NXN: variants seen among roughly 807,000 people sequenced by gnomAD.
NXN encodes the protein nucleoredoxin 1.
In NXN, 16 loss-of-function variants were observed where a neutral mutation model predicts 48.6. That is an observed-to-expected ratio of 0.33 (90% CI 0.22 to 0.50). The LOEUF is 0.50. NXN is among the 20% of genes least tolerant of loss of function. NXN has a pLI of 0.98. For synonymous variants in NXN, 281 were observed against 269.6 expected (o/e 1.04, Z -0.41); for missense variants, 492 against 605.5 (o/e 0.81, Z 1.97).
intron 1 of NXN, among the ~76,000 whole-genome samples, chr17:973,241 A>G (rs750279096): frequency 2.3e-4 from 35 of 152,204 alleles, no homozygotes; most frequent in Non-Finnish European, 4.4e-4. Flanking sequence ...ATCCCGCAGC[A>G]TTCCAGAGCT....
At chr17:817,485 T>C (rs932156372) in intron 5 of NXN, among the ~76,000 whole-genome samples, 24 of 151,680 alleles carry the variant, frequency 1.6e-4, no homozygotes, top group Admixed American at 3.9e-4. Context: ...CTGGCCAACA[T>C]GGTGAAACCC....
At chr17:812,842 A>G (rs1304168434) in intron 5 of NXN, among the ~76,000 whole-genome samples, 1 of 135,158 alleles carries the variant, frequency 7.4e-6, no homozygotes, top group Non-Finnish European at 1.6e-5. Flanking sequence ...GTGTGAGTGT[A>G]GGTGTGTGCA....
At chr17:802,425 C>A (rs1911255872) in intron 7 of NXN, among the ~76,000 whole-genome samples, 1 of 152,358 alleles carries the variant, frequency 6.6e-6, no homozygotes, top group South Asian at 2.1e-4. Flanking sequence ...ACGTTCCCAG[C>A]CAGAGAGCCA....
At chr17:828,397 C>T (rs1315479962) in intron 1 of NXN, among the ~76,000 whole-genome samples, 1 of 131,968 alleles carries the variant, frequency 7.6e-6, no homozygotes, top group Non-Finnish European at 1.6e-5. Flanking sequence ...AGCCACCGTG[C>T]CTGGCCTTTT....
At chr17:822,262 A>G in intron 4 of NXN, 95 bp downstream of exon 4, 1 of 845,860 alleles carries the variant, frequency 1.2e-6, no homozygotes, top group Non-Finnish European at 1.9e-6. Flanking sequence ...CTGGGAGACA[A>G]GAGCAAGACT....
chr17:868,468 T>G (rs541292856), intron 1 of NXN, among the ~76,000 whole-genome samples: 2 of 150,428 alleles, frequency 1.3e-5, no homozygotes, highest in Non-Finnish European at 2.9e-5. Context: ...TGTCTTTTTT[T>G]GTTTTTTTTT....
Position 822,476 on chromosome 17 carries a change from A to G in NXN, c.613-19T>C. 6.3e-7 allele frequency: 1 copy of G among 1,586,644 alleles called. No individual in the cohort carries two copies. The highest frequency in any genetic ancestry group is 8.7e-7 in the Non-Finnish European group (1 of 1,155,358). ...GCGGACACTGAAAGACAGGACAGCA[A>G]GACCCGCTGCGTCACGCTGCTTCTC... On this transcript the variant is annotated intron_variant, in intron 3 of 7. Coordinates refer to ENST00000336868, the MANE Select transcript of NXN (RefSeq NM_022463.5).
Position 956,924 on chromosome 17 carries a change from C to T in NXN, c.360+22395G>A, listed in dbSNP as rs2069177373. The stretch of plus-strand genomic sequence containing the variant: ...TTCTCAGAGCTCCTGCGGGCAACTC[C>T]AGCCCTTTTAGAACCAATACCATGG... On this transcript the variant is annotated intron_variant, in intron 1 of 7. Coordinates refer to ENST00000336868, the MANE Select transcript of NXN (RefSeq NM_022463.5). This position sits in a 1 kb window ranked among gnomAD's most constrained non-coding sequence, Gnocchi z 4.1. Among the ~76,000 whole-genome samples the T allele has an allele frequency of 6.6e-6, 1 of 152,162 alleles. No homozygotes were observed. The highest frequency in any genetic ancestry group is 1.9e-4 in the East Asian group (1 of 5,202).
rs747446946 is a variant in NXN at position 979,592 on chromosome 17, G to A, written c.87C>T (p.Arg29=). Residue 29 remains arginine (R), a synonymous_variant, in exon 1 of 8, where the codon CGC becomes CGT. Coordinates refer to ENST00000336868, the MANE Select transcript of NXN (RefSeq NM_022463.5). ...EEVDVHSLGA[R]GISLLGLYFG... ...AGTAGAGACCCAGCAGCGAGATGCC[G>A]CGGGCGCCCAGCGAGTGCACGTCCA... 10 of 1,444,534 alleles carry A rather than the reference G, an allele frequency of 6.9e-6. No homozygotes were observed. In the South Asian group the frequency reaches 9.4e-5, roughly 14 times the overall value. 89.5% of individuals were successfully genotyped at this position (1,444,534 alleles called of 1,614,324 possible).
intron 1 of NXN, among the ~76,000 whole-genome samples, chr17:915,279 T>C (rs1268443053): frequency 1.3e-5 from 2 of 151,964 alleles, no homozygotes; most frequent in Non-Finnish European, 2.9e-5. Context: ...ATGATTAGCA[T>C]GACCTCTAGG....
At chr17:863,231 C>T (rs1323392269) in intron 1 of NXN, among the ~76,000 whole-genome samples, 6 of 152,136 alleles carry the variant, frequency 3.9e-5, no homozygotes, top group East Asian at 3.9e-4. Flanking sequence ...AGTGCAGTGG[C>T]GCGATCTCAG....
intron 1 of NXN, among the ~76,000 whole-genome samples, chr17:897,881 G>A (rs2644707): frequency 0.1 from 15,262 of 152,160 alleles, 1,881 homozygotes; most frequent in African/African-American, 0.3. Context: ...GGGTTTCACC[G>A]TGTTGGCCAG....
chr17:909,333 G>T (rs745453107), intron 1 of NXN, among the ~76,000 whole-genome samples: 1 of 152,046 alleles, frequency 6.6e-6, no homozygotes, highest in East Asian at 1.9e-4. Context: ...GAAACAGAGA[G>T]ATTTTATATT....
chr17:951,173 C>A (rs1187016266), intron 1 of NXN, among the ~76,000 whole-genome samples: 1 of 37,546 alleles, frequency 2.7e-5, no homozygotes, highest in East Asian at 1.4e-3. Flanking sequence ...CCTGTCTCTA[C>A]TTAAAAAAAA....
intron 1 of NXN, among the ~76,000 whole-genome samples, chr17:943,899 T>A (rs757328899): frequency 5.3e-5 from 8 of 151,952 alleles, no homozygotes; most frequent in Non-Finnish European, 1.0e-4. Flanking sequence ...AAAATAATGT[T>A]TTTTAAAAGT....
chr17:843,064 AAAGCAAGC>A (rs200717420), intron 1 of NXN, among the ~76,000 whole-genome samples: 4 of 138,266 alleles, frequency 2.9e-5, no homozygotes, highest in South Asian at 2.4e-4. Flanking sequence ...AAGAAGGAAG[AAAGCAAGC>A]AAGCAAGCTG....
chr17:823,267 C>T (rs1041328538), intron 3 of NXN, among the ~76,000 whole-genome samples: 1 of 151,768 alleles, frequency 6.6e-6, no homozygotes, highest in Admixed American at 6.6e-5. Context: ...GGCGTGGTGG[C>T]ATGCACCTGT....
rs186170570 is a variant in NXN at position 968,709 on chromosome 17, A to G, written c.360+10610T>C. 1.9e-3 allele frequency among the ~76,000 whole-genome samples: 286 copies of G among 152,324 alleles called. 1 individual carries two copies. Among genetic ancestry groups the G allele is most frequent in the African/African-American group, 6.6e-3 (273 of 41,572 alleles). ...TCCCAGCACTCTGAGAGGCTGAGGCAGGCGGATCGCTTGAGGTCAGGAGTT... is the reference window on the plus strand; with the variant it reads ...TCCCAGCACTCTGAGAGGCTGAGGCGGGCGGATCGCTTGAGGTCAGGAGTT... On this transcript the variant is annotated intron_variant, in intron 1 of 7. Transcript: ENST00000336868.
rs542901154 is a variant in NXN, at chr17:852,385, G to A, written c.361-26307C>T. Among the ~76,000 whole-genome samples the A allele has an allele frequency of 1.1e-4, 16 of 152,236 alleles. No individual in the cohort carries two copies. In the South Asian group the frequency reaches 2.5e-3, roughly 24 times the overall value. On this transcript the variant is annotated intron_variant, in intron 1 of 7. Transcript: ENST00000336868. Reference sequence around the variant, plus strand: ...GGCCACAGGATCCCTGGGACCCCCCGTGCCCACAGCTGGCATCTTGCTCCC... The same window carrying A: ...GGCCACAGGATCCCTGGGACCCCCCATGCCCACAGCTGGCATCTTGCTCCC...
Sources: allele counts gnomAD v4.1 joint callset (sites outside exome capture counted in the v4.1 genomes callset), GRCh38; gene constraint gnomAD v4.1.1; non-coding constraint Gnocchi (gnomAD v3.1); transcripts MANE v1.5; gene names NCBI Gene and HGNC (gene_info 2026-07-23, HGNC 2026-07-21).